Variants in DIPK1C observed in about 807,000 individuals in gnomAD.
DIPK1C encodes familial non-conventional Alzheimer's dementia.
DIPK1C carries 33 observed loss-of-function variants against 28.0 expected under a neutral mutation model. That is an observed-to-expected ratio of 1.18 (90% confidence interval 0.89 to 1.58). The LOEUF is 1.58. Ranked by LOEUF, DIPK1C falls within the 40% of genes most tolerant of loss-of-function variation. The pLI, the probability that DIPK1C is intolerant of heterozygous loss-of-function variation, is 0.00. For synonymous variants in DIPK1C, 255 were observed against 248.8 expected (o/e 1.02, Z -0.23); for missense variants, 569 against 568.5 (o/e 1.00, Z -0.01).
intron 2 of DIPK1C, 116 bp from the exon 3 acceptor site, chr18:74,442,232 A>T: frequency 1.6e-6 from 2 of 1,219,406 alleles, no homozygotes; most frequent in South Asian, 2.9e-5. Context: ...GTCACAGGTG[A>T]TCCCAGAAGT....
the DIPK1C span, among the ~76,000 whole-genome samples, chr18:74,463,089 G>A: frequency 6.6e-6 from 1 of 152,134 alleles, no homozygotes; most frequent in Non-Finnish European, 1.5e-5. Flanking sequence ...AAGAACGTGG[G>A]GTGCCCCATC....
intron 1 of DIPK1C, among the ~76,000 whole-genome samples, chr18:74,449,780 A>C (rs192842276): frequency 2.0e-5 from 3 of 152,332 alleles, no homozygotes; most frequent in East Asian, 3.9e-4. Context: ...TTGTATGAAC[A>C]CACACTCACC....
At chr18:74,446,539 A>T in intron 2 of DIPK1C, 67 bp downstream of exon 2, 2 of 1,342,350 alleles carry the variant, frequency 1.5e-6, no homozygotes, top group Middle Eastern at 1.9e-4. Context: ...AAACCTTCTC[A>T]TTTCCTTCCC....
At chr18:74,453,410 G>T (rs899788165) in intron 1 of DIPK1C, among the ~76,000 whole-genome samples, 1 of 152,188 alleles carries the variant, frequency 6.6e-6, no homozygotes, top group African/African-American at 2.4e-5. Context: ...CCTACTTTAG[G>T]AATGTGGCCG....
At chr18:74,459,910 C>T (rs1568267946), upstream of DIPK1C, among the ~76,000 whole-genome samples, 1 of 152,134 alleles carries the variant, frequency 6.6e-6, no homozygotes, top group Non-Finnish European at 1.5e-5. Flanking sequence ...AGGGTGGGCT[C>T]CCGATCCCTG....
intron 1 of DIPK1C, among the ~76,000 whole-genome samples, chr18:74,448,989 G>C (rs1986336525): frequency 6.6e-6 from 1 of 152,026 alleles, no homozygotes; most frequent in East Asian, 1.9e-4. Flanking sequence ...CATGCCTGTA[G>C]TCCCAGCTAC....
At chr18:74,463,059 T>C in the DIPK1C span, among the ~76,000 whole-genome samples, 1 of 152,172 alleles carries the variant, frequency 6.6e-6, no homozygotes, top group East Asian at 1.9e-4. Context: ...GTCATGGAGT[T>C]ATCAGGGGAG....
At chr18:74,441,917 C>G (rs762074000) in intron 3 of DIPK1C, 35 bp downstream of exon 3, 1 of 1,599,072 alleles carries the variant, frequency 6.3e-7, no homozygotes, top group South Asian at 1.1e-5. Flanking sequence ...CCAAAGAGCA[C>G]CCTCTCCTCC....
chr18:74,453,163 G>A (rs754555297), intron 1 of DIPK1C, among the ~76,000 whole-genome samples: 2 of 152,146 alleles, frequency 1.3e-5, no homozygotes, highest in Non-Finnish European at 2.9e-5. Context: ...TCTAATTTAT[G>A]TCATGGTTCT....
chr18:74,459,208 A>G (rs1355371480), upstream of DIPK1C, among the ~76,000 whole-genome samples: 1 of 152,256 alleles, frequency 6.6e-6, no homozygotes, highest in Non-Finnish European at 1.5e-5. Context: ...AATGAGATGA[A>G]GCAGTGTGAC....
Position 74,446,683 on chromosome 18 carries a change from AATGGTTCACC to A in DIPK1C, c.789_798del (p.Met263IlefsTer42). 6.5e-7 allele frequency: 1 copy of A among 1,529,074 alleles called. No homozygotes were observed. Among genetic ancestry groups the A allele is most frequent in the Non-Finnish European group, 8.8e-7 (1 of 1,136,584 alleles). The allele number at this position is 1,529,074 out of a possible 1,614,324, so 94.7% of individuals were successfully genotyped here. On this transcript the variant is annotated frameshift_variant, in exon 2 of 4. Coordinates refer to ENST00000343998, the MANE Select transcript of DIPK1C (RefSeq NM_001044369.3). LOFTEE classifies it high-confidence loss of function. ...AGGCGGTGGGAAAAGTCACTGTCAA[AATGGTTCACC>A]ATGTCCAAGAAGCTGAGTGCGATGT...
At chr18:74,452,973 T>A (rs1986431154) in intron 1 of DIPK1C, among the ~76,000 whole-genome samples, 1 of 152,132 alleles carries the variant, frequency 6.6e-6, no homozygotes, top group Non-Finnish European at 1.5e-5. Context: ...GAAAATAAAC[T>A]GAAAAAAACA....
chr18:74,458,743 T>A (rs1325865025), upstream of DIPK1C, among the ~76,000 whole-genome samples: 1 of 151,776 alleles, frequency 6.6e-6, no homozygotes, highest in Non-Finnish European at 1.5e-5. Context: ...AAGTACCATA[T>A]TTTCACAGGC....
At chr18:74,442,442 C>T (rs1387604061) in intron 2 of DIPK1C, among the ~76,000 whole-genome samples, 3 of 152,220 alleles carry the variant, frequency 2.0e-5, no homozygotes, top group South Asian at 2.1e-4. Flanking sequence ...CATTCTCCTT[C>T]CTCAGCCTCC....
At chr18:74,459,831 C>A (rs181111973), upstream of DIPK1C, among the ~76,000 whole-genome samples, 2 of 152,168 alleles carry the variant, frequency 1.3e-5, no homozygotes, top group Admixed American at 6.5e-5. Flanking sequence ...TCTTCCCCTC[C>A]TCCTTGCACA....
chr18:74,447,151 G>A lies in DIPK1C; in HGVS notation c.331C>T (p.Arg111Trp), dbSNP rs531235586. ...TCCTTGGACTTGAGGACCACGGGCCGGCCGCGCCAGTCGGCCTGCAGCACC... is the reference window on the plus strand; with the variant it reads ...TCCTTGGACTTGAGGACCACGGGCCAGCCGCGCCAGTCGGCCTGCAGCACC... ...KKVLQADWRG[R>W]PVVLKSKEEA... The change falls in exon 2 of 4, where the codon CGG becomes TGG. Residue 111 changes from arginine (R) to tryptophan (W), a missense_variant. By Grantham distance (101) the Arg-to-Trp change is moderately radical. Coordinates refer to ENST00000343998, the MANE Select transcript of DIPK1C (RefSeq NM_001044369.3). The surrounding 1 kb of genome is among the most constrained non-coding windows in gnomAD (Gnocchi z 4.1). 3.7e-5 allele frequency: 57 copies of A among 1,550,572 alleles called. No homozygotes were observed. The highest frequency in any genetic ancestry group is 2.2e-4 in the East Asian group (9 of 40,916).
At chr18:74,451,722 G>T (rs1986402155) in intron 1 of DIPK1C, among the ~76,000 whole-genome samples, 1 of 152,224 alleles carries the variant, frequency 6.6e-6, no homozygotes, top group Admixed American at 6.5e-5. Flanking sequence ...CTGGGTGTCA[G>T]AAAGGGCAGA....
At chr18:74,458,379 TTA>T (rs1020925966), upstream of DIPK1C, among the ~76,000 whole-genome samples, 4 of 152,140 alleles carry the variant, frequency 2.6e-5, no homozygotes, top group Non-Finnish European at 4.4e-5. Context: ...GTTCCCGAGT[TTA>T]GAGATAATAG....
intron 1 of DIPK1C, among the ~76,000 whole-genome samples, chr18:74,454,416 G>A (rs1355228843): frequency 6.6e-6 from 1 of 152,168 alleles, no homozygotes; most frequent in Non-Finnish European, 1.5e-5. Flanking sequence ...CCCCTGCCAG[G>A]CCAGCAACGC....
Sources: gnomAD v4.1 joint callset for allele counts (sites outside exome capture counted in the v4.1 genomes callset) on GRCh38, gnomAD v4.1.1 for gene constraint, Gnocchi (gnomAD v3.1) non-coding constraint, MANE v1.5 for transcripts, NCBI Gene and HGNC (gene_info 2026-07-23, HGNC 2026-07-21) for gene names.